Variants in PCYT2 observed in about 807,000 individuals in gnomAD.
The protein encoded by PCYT2 is phosphate cytidylyltransferase 2, ethanolamine.
Under a neutral mutation model 50.0 loss-of-function variants are expected in PCYT2, and 33 were observed. The observed-to-expected ratio is 0.66, with a 90% confidence interval of 0.50 to 0.88. The LOEUF is 0.88. PCYT2 is among the 40% of genes least tolerant of loss of function. The pLI is 0.00. For synonymous variants in PCYT2, 240 were observed against 203.7 expected (o/e 1.18, Z -1.52); for missense variants, 430 against 519.7 (o/e 0.83, Z 1.68).
At chr17:81,905,813 G>T in intron 9 of PCYT2, 78 bp from the exon 10 acceptor site, 2 of 1,451,088 alleles carry the variant, frequency 1.4e-6, no homozygotes, top group Non-Finnish European at 9.7e-7. Flanking sequence ...GGTGAGAGAC[G>T]GCTCAGACAT....
At chr17:81,905,271 C>T (rs1050370028) in intron 11 of PCYT2, 111 bp downstream of exon 11, 8 of 1,308,300 alleles carry the variant, frequency 6.1e-6, no homozygotes, top group Admixed American at 5.9e-5. Context: ...GTGGTGCAGT[C>T]GGAGCAGCTG....
Position 81,901,364 on chromosome 17 carries a change from A to G in PCYT2, c.*3469T>C, listed in dbSNP as rs554696087. On this transcript the variant is annotated 3_prime_UTR_variant, in exon 13 of 13. Transcript: ENST00000538936. ...CTCCCAGCCCACTGACTCAAATGGG[A>G]ATCTCCTCTGGCAACACCCTCACAG... is the stretch of plus-strand genomic sequence containing the variant. The G allele has an allele frequency of 6.6e-6, 1 of 152,266 alleles. No homozygotes were observed. The highest frequency in any genetic ancestry group is 2.4e-5 in the African/African-American group (1 of 41,536). The allele number at this position is 152,266 out of a possible 1,614,324, so 9.4% of individuals were successfully genotyped here.
At chr17:81,905,487 C>T in intron 10 of PCYT2, 40 bp from the exon 11 acceptor site, 1 of 1,541,758 alleles carries the variant, frequency 6.5e-7, no homozygotes, top group South Asian at 1.2e-5. Flanking sequence ...CCCGGGGAGG[C>T]AGCGGCCGTC....
chr17:81,901,209 C>T lies in PCYT2; in HGVS notation c.*3624G>A, dbSNP rs2039942280. The stretch of plus-strand genomic sequence containing the variant: ...GCCGACGTGCGAGGGCGGGAAGCAT[C>T]CAGCATGGGAGAAAGATGGAGGCCA... On this transcript the variant is annotated 3_prime_UTR_variant, in exon 13 of 13. Coordinates refer to ENST00000538936, the MANE Select transcript of PCYT2 (RefSeq NM_002861.5). The T allele has an allele frequency of 6.6e-6, 1 of 152,192 alleles. No individual in the cohort carries two copies. The allele number at this position is 152,192 out of a possible 1,614,324, so 9.4% of individuals were successfully genotyped here.
intron 2 of PCYT2, 99 bp from the exon 3 acceptor site, chr17:81,909,136 C>G (rs1317351085): frequency 3.3e-6 from 5 of 1,528,504 alleles, no homozygotes; most frequent in Non-Finnish European, 3.5e-6. Flanking sequence ...CACAAGAGGG[C>G]CGGTGGGGGC....
At position 81,907,756 on chromosome 17, in the gene PCYT2, T is replaced by C; in HGVS notation, c.492+17A>G. On this transcript the variant is annotated intron_variant, in intron 5 of 12. Transcript: ENST00000538936. ...GACCTCGACCCAGGGGCCTCGGGGA[T>C]TCCGCCGCCGACTCACCTGGCTGCT... 1.2e-6 allele frequency: 2 copies of C among 1,612,112 alleles called. No homozygotes were observed. The highest frequency in any genetic ancestry group is 1.7e-6 in the Non-Finnish European group (2 of 1,179,388).
rs1444775061 is a variant in PCYT2, at chr17:81,906,456, G to A, written c.759+8C>T. On this transcript the variant is annotated splice_region_variant and intron_variant, in intron 8 of 12. Coordinates refer to ENST00000538936, the MANE Select transcript of PCYT2 (RefSeq NM_002861.5). ...GCCCAGGGGCCCAGGGAGCAAGAAG[G>A]CAGTGACCTGGTCAAAGTGTAAGCC... 1 of 1,612,128 alleles carries A rather than the reference G, an allele frequency of 6.2e-7. No homozygotes were observed. The highest frequency in any genetic ancestry group is 1.3e-5 in the African/African-American group (1 of 74,898).
rs369762384 is a variant in PCYT2, at chr17:81,905,243, G to A, written c.970-89C>T. 1.8e-4 allele frequency: 243 copies of A among 1,343,412 alleles called. 1 individual carries two copies. Among genetic ancestry groups the A allele is most frequent in the African/African-American group, 1.3e-3 (89 of 69,154 alleles). 83.2% of individuals were successfully genotyped at this position (1,343,412 alleles called of 1,614,324 possible). On this transcript the variant is annotated intron_variant, in intron 11 of 12. Transcript: ENST00000538936. ...TGCCCTGCCCCAGAGGGAGACCAGCGCCCAGGGTCCCATGGGAGTGGTGCA... is the reference window on the plus strand; with the variant it reads ...TGCCCTGCCCCAGAGGGAGACCAGCACCCAGGGTCCCATGGGAGTGGTGCA...
In PCYT2 at chr17:81,909,080, C is replaced by T. The variant is rs766553986; in HGVS notation, c.179-43G>A. The stretch of plus-strand genomic sequence containing the variant: ...GGGAGACTGGGGACCCCAGCCCACC[C>T]GGCCCCTCCAGTAGGAGGCCCCTTC... On this transcript the variant is annotated intron_variant, in intron 2 of 12. Transcript: ENST00000538936. 100 of 1,591,458 alleles carry T rather than the reference C, an allele frequency of 6.3e-5. 1 individual carries two copies. The highest frequency in any genetic ancestry group is 7.7e-5 in the Non-Finnish European group (90 of 1,168,574).
In PCYT2 at chr17:81,909,725, C is replaced by T. The variant is rs905673960; in HGVS notation, c.90-123G>A. The T allele has an allele frequency of 5.7e-5, 40 of 701,818 alleles. No homozygotes were observed. The Admixed American group carries it at 7.9e-4, about 14-fold the overall frequency. 43.5% of individuals were successfully genotyped at this position (701,818 alleles called of 1,614,324 possible). A position where few individuals can be genotyped will look rare whatever the true frequency, so the allele number is the denominator to read the frequency against. On this transcript the variant is annotated intron_variant, in intron 1 of 12. Transcript: ENST00000538936. ...TAGGAAGCGCTCTGAGAAGCTGCTG[C>T]TGGGAGCCCTGGGACTGGGATTCGG...
At chr17:81,909,998 T>C (rs1296629841) in intron 1 of PCYT2, among the ~76,000 whole-genome samples, 1 of 151,966 alleles carries the variant, frequency 6.6e-6, no homozygotes, top group Non-Finnish European at 1.5e-5. Context: ...TGGGGTAGGG[T>C]TGGATCCTAG....
At chr17:81,910,520 C>T (rs1181821391) in intron 1 of PCYT2, among the ~76,000 whole-genome samples, 1 of 152,164 alleles carries the variant, frequency 6.6e-6, no homozygotes, top group Non-Finnish European at 1.5e-5. Context: ...AGAGGCTGGG[C>T]CAGGGGAGCA....
intron 3 of PCYT2, 93 bp from the exon 4 acceptor site, chr17:81,908,727 T>C: frequency 2.2e-6 from 3 of 1,333,634 alleles, no homozygotes; most frequent in Non-Finnish European, 3.2e-6. Flanking sequence ...CCTGCCCTAG[T>C]GTCCGCGTGC....
rs1049697351 is a variant in PCYT2 at position 81,905,706 on chromosome 17, C to T, written c.867G>A (p.Pro289=). 6.2e-6 allele frequency: 10 copies of T among 1,613,496 alleles called. No homozygotes were observed. Among genetic ancestry groups the T allele is most frequent in the African/African-American group, 2.7e-5 (2 of 74,924 alleles). Residue 289 remains proline, a synonymous_variant, in exon 10 of 13, where the codon CCG becomes CCA. Coordinates refer to ENST00000538936, the MANE Select transcript of PCYT2 (RefSeq NM_002861.5). The part of the protein sequence containing the change: ...RYVSEVVIGA[P]YAVTAELLSH... ...TTAGGAGCTCTGCTGTGACCGCGTA[C>T]GGGGCTCCAATCACCACTTCTGACA...
chr17:81,909,063 G>A, intron 2 of PCYT2, 26 bp from the exon 3 acceptor site: 1 of 1,603,706 alleles, frequency 6.2e-7, no homozygotes, highest in East Asian at 2.2e-5. Context: ...CGGGGAGACT[G>A]GGGACCCCAG....
chr17:81,906,960 G>A (rs2040306922), intron 6 of PCYT2, 62 bp from the exon 7 acceptor site: 2 of 1,551,368 alleles, frequency 1.3e-6, no homozygotes, highest in African/African-American at 2.7e-5. Context: ...CCCTCACCAG[G>A]TCACCAAACC....
In PCYT2 at chr17:81,902,752, C is replaced by T. The variant is rs970514757; in HGVS notation, c.*2081G>A. 3 of 1,603,922 alleles carry T rather than the reference C, an allele frequency of 1.9e-6. No homozygotes were observed. Among genetic ancestry groups the T allele is most frequent in the South Asian group, 1.1e-5 (1 of 90,022 alleles). On this transcript the variant is annotated 3_prime_UTR_variant, in exon 13 of 13. Coordinates refer to ENST00000538936, the MANE Select transcript of PCYT2 (RefSeq NM_002861.5). ...AGCCGACTGCCTCGCCGCCTGAGCC[C>T]GGACCTCTCCTGGCACCGCTGGGGG... is the stretch of plus-strand genomic sequence containing the variant.
chr17:81,902,211 T>C lies in PCYT2; in HGVS notation c.*2622A>G. The C allele has an allele frequency of 8.3e-7, 1 of 1,200,948 alleles. No homozygotes were observed. The highest frequency in any genetic ancestry group is 1.0e-6 in the Non-Finnish European group (1 of 966,902). 74.4% of individuals were successfully genotyped at this position (1,200,948 alleles called of 1,614,324 possible). On this transcript the variant is annotated 3_prime_UTR_variant, in exon 13 of 13. Transcript: ENST00000538936. ...CCTCGGCCCGCCCTCGCCGCAGATA[T>C]AAGGCGGCCCAGGCGGTGGCTGCTC...
At position 81,911,317 on chromosome 17, in the gene PCYT2, C is replaced by A; in HGVS notation, c.39G>T (p.Glu13Asp). The part of the protein sequence containing the change: ...RNGRGAAGGA[E>D]QPGPGGRRAV... ...CGCGCCTGCCCCCCGGGCCCGGCTGCTCTGCGCCGCCTGCAGCCCCGCGCC... is the reference window on the plus strand; with the variant it reads ...CGCGCCTGCCCCCCGGGCCCGGCTGATCTGCGCCGCCTGCAGCCCCGCGCC... The change falls in exon 1 of 13, where the codon GAG becomes GAT. Residue 13 changes from glutamate to aspartate, a missense_variant. This residue lies in a region of PCYT2 where 63 missense variants were observed against 37.5 expected (regional missense o/e 1.68). Coordinates refer to ENST00000538936, the MANE Select transcript of PCYT2 (RefSeq NM_002861.5). The A allele has an allele frequency of 8.8e-7, 1 of 1,133,578 alleles. No individual in the cohort carries two copies. The allele number at this position is 1,133,578 out of a possible 1,614,324, so 70.2% of individuals were successfully genotyped here.
Sources: allele counts gnomAD v4.1 joint callset (sites outside exome capture counted in the v4.1 genomes callset), GRCh38; gene constraint gnomAD v4.1.1; regional missense constraint gnomAD v4.1.1; transcripts MANE v1.5; gene names NCBI Gene and HGNC (gene_info 2026-07-23, HGNC 2026-07-21).